Variants in SMAD3 observed in about 807,000 individuals in gnomAD.
SMAD3 encodes the protein SMAD family member 3, also known as MAD homolog 3.
Under a neutral mutation model 51.8 loss-of-function variants are expected in SMAD3, and 12 were observed. That is an observed-to-expected ratio of 0.23 (90% confidence interval 0.15 to 0.38). The LOEUF (loss-of-function observed/expected upper bound fraction) is 0.38, where lower values mean the gene tolerates loss of function less well. SMAD3 is among the 10% of genes least tolerant of loss of function. The pLI is 1.00. For missense variants in SMAD3, 294 were observed against 565.6 expected (o/e 0.52, Z 4.87); for synonymous variants, 238 against 227.7 (o/e 1.05, Z -0.41).
chr15:67,170,942 A>G (rs943773193), intron 5 of SMAD3, among the ~76,000 whole-genome samples: 1 of 152,238 alleles, frequency 6.6e-6, no homozygotes, highest in Non-Finnish European at 1.5e-5. Flanking sequence ...GTGCAAAGCC[A>G]CGGACAGCCA....
At chr15:67,110,143 T>A (rs1207865725) in intron 1 of SMAD3, among the ~76,000 whole-genome samples, 1 of 152,204 alleles carries the variant, frequency 6.6e-6, no homozygotes, top group Non-Finnish European at 1.5e-5. Flanking sequence ...TAATTCATTC[T>A]GTGCTTGAGT....
chr15:67,075,870 G>A (rs948848867), intron 1 of SMAD3, among the ~76,000 whole-genome samples: 6 of 150,374 alleles, frequency 4.0e-5, no homozygotes, highest in East Asian at 3.9e-4. Flanking sequence ...AGCCAAGATC[G>A]CACCATTGTA....
chr15:67,104,889 T>C (rs937299508), intron 1 of SMAD3, among the ~76,000 whole-genome samples: 3 of 152,264 alleles, frequency 2.0e-5, no homozygotes, highest in Non-Finnish European at 2.9e-5. Flanking sequence ...CTTTTAGTAC[T>C]GAAAGCTGCT....
At position 67,187,313 on chromosome 15, in the gene SMAD3, A is replaced by G. The variant is rs747034907; in HGVS notation, c.1010-52A>G. 4 of 1,612,658 alleles carry G rather than the reference A, an allele frequency of 2.5e-6. No individual in the cohort carries two copies. In the African/African-American group the frequency reaches 5.3e-5, roughly 22 times the overall value. On this transcript the variant is annotated intron_variant, in intron 7 of 8. Transcript: ENST00000327367. ...GACTTGCTTTATCCAGGAGGGGAGCAACGGACCTGGCCACTTCCATCCCCA... is the reference window on the plus strand; with the variant it reads ...GACTTGCTTTATCCAGGAGGGGAGCGACGGACCTGGCCACTTCCATCCCCA...
In SMAD3 at chr15:67,122,070, C is replaced by T. The variant is rs560554919; in HGVS notation, c.207-42825C>T. 1.4e-4 allele frequency among the ~76,000 whole-genome samples: 21 copies of T among 152,328 alleles called. No individual in the cohort carries two copies. The East Asian group carries it at 3.7e-3, about 27-fold the overall frequency. ...TCAGATCAGCTCATATAGAGCAGCA[C>T]GTTTTCATCACCACCAAAAATTCTA... is the stretch of plus-strand genomic sequence containing the variant. On this transcript the variant is annotated intron_variant, in intron 1 of 8. Transcript: ENST00000327367.
intron 5 of SMAD3, among the ~76,000 whole-genome samples, chr15:67,179,379 A>ATGC (rs1221054794): frequency 6.6e-6 from 1 of 152,174 alleles, no homozygotes; most frequent in Non-Finnish European, 1.5e-5. Flanking sequence ...AGGGGCCAGG[A>ATGC]TGCTGCTAAA....
chr15:67,125,760 G>C (rs1961368777), intron 1 of SMAD3: 1 of 985,730 alleles, frequency 1.0e-6, no homozygotes, highest in Non-Finnish European at 1.2e-6. Context: ...AGAGGAGCCT[G>C]CTGCTGAGTT....
At chr15:67,146,989 AC>A (rs956959843) in intron 1 of SMAD3, 1 of 151,858 alleles carries the variant, frequency 6.6e-6, no homozygotes, top group Non-Finnish European at 1.5e-5. Context: ...ATTCCCCTGC[AC>A]CCCGCCAGGC....
chr15:67,072,626 A>G (rs1482809578), intron 1 of SMAD3, among the ~76,000 whole-genome samples: 9 of 152,256 alleles, frequency 5.9e-5, no homozygotes, highest in Non-Finnish European at 1.2e-4. Context: ...AAGGCTGCTC[A>G]TGATGGCAGC....
intron 1 of SMAD3, among the ~76,000 whole-genome samples, chr15:67,080,738 C>T (rs1196691712): frequency 1.2e-4 from 18 of 152,216 alleles, no homozygotes; most frequent in Admixed American, 1.2e-3. Flanking sequence ...GTGGTCAGTG[C>T]ATGGAATGTG....
rs1481366304 is a variant in SMAD3, at chr15:67,166,768, C to T, written c.533-11C>T. The stretch of plus-strand genomic sequence containing the variant: ...GGCCTTTTAACAGACCACCTTCCTT[C>T]TGATTCCCAGAGACCCCACCCCCTG... On this transcript the variant is annotated splice_polypyrimidine_tract_variant and intron_variant, in intron 3 of 8. Coordinates refer to ENST00000327367, the MANE Select transcript of SMAD3 (RefSeq NM_005902.4). 1 of 1,579,846 alleles carries T rather than the reference C, an allele frequency of 6.3e-7. No individual in the cohort carries two copies. Among genetic ancestry groups the T allele is most frequent in the Non-Finnish European group, 8.6e-7 (1 of 1,161,354 alleles).
intron 1 of SMAD3, among the ~76,000 whole-genome samples, chr15:67,078,968 A>G (rs1960225594): frequency 6.6e-6 from 1 of 151,194 alleles, no homozygotes; most frequent in Non-Finnish European, 1.5e-5. Context: ...ATGTTTTGCA[A>G]TGTCACATAT....
intron 1 of SMAD3, among the ~76,000 whole-genome samples, chr15:67,084,070 C>CTTTTTTTTTTTTTTTTTT (rs56675753): frequency 5.9e-5 from 5 of 85,064 alleles, no homozygotes; most frequent in South Asian, 5.8e-4. Flanking sequence ...CTTTTTTTTT[C>CTTTTTTTTTTTTTTTTTT]TTTTTTTTTT....
intron 1 of SMAD3, among the ~76,000 whole-genome samples, chr15:67,123,905 C>T (rs1052573535): frequency 9.9e-5 from 15 of 152,186 alleles, no homozygotes; most frequent in South Asian, 4.1e-4. Context: ...TTCCAACTTT[C>T]GGATATGCTG....
chr15:67,083,314 A>G (rs912743293), intron 1 of SMAD3, among the ~76,000 whole-genome samples: 14 of 152,132 alleles, frequency 9.2e-5, no homozygotes, highest in Non-Finnish European at 1.3e-4. Context: ...GTGGTCTCAG[A>G]TGTTTACCAT....
In SMAD3 at chr15:67,140,849, C is replaced by T. The variant is rs76323632; in HGVS notation, c.207-24046C>T. Reference sequence around the variant, plus strand: ...GGAAATGGGGCCAGGTGTAAGGAAACGGAGCAGAACTTGGGGTTCATTCAT... The same window carrying T: ...GGAAATGGGGCCAGGTGTAAGGAAATGGAGCAGAACTTGGGGTTCATTCAT... On this transcript the variant is annotated intron_variant, in intron 1 of 8. Transcript: ENST00000327367. Among the ~76,000 whole-genome samples the T allele has an allele frequency of 0.015, 2,215 of 152,128 alleles. 122 individuals carry two copies. In the East Asian group the frequency reaches 0.16, roughly 11 times the overall value.
intron 1 of SMAD3, among the ~76,000 whole-genome samples, chr15:67,090,901 A>T (rs139340636): frequency 7.6e-4 from 116 of 152,312 alleles, no homozygotes; most frequent in African/African-American, 2.6e-3. Flanking sequence ...TCCAAGGCCA[A>T]GCCCCTCCCT....
At chr15:67,177,620 G>A (rs375368247) in intron 5 of SMAD3, among the ~76,000 whole-genome samples, 9 of 151,792 alleles carry the variant, frequency 5.9e-5, no homozygotes, top group East Asian at 1.9e-4. Context: ...ACGGGGTTTC[G>A]CCAGGTTGGC....
intron 1 of SMAD3, among the ~76,000 whole-genome samples, chr15:67,158,803 A>C (rs1170994871): frequency 6.6e-6 from 1 of 152,156 alleles, no homozygotes; most frequent in African/African-American, 2.4e-5. Context: ...GACCCTCCTG[A>C]CTGTGCACCC....
Sources: allele counts gnomAD v4.1 joint callset (sites outside exome capture counted in the v4.1 genomes callset), GRCh38; gene constraint gnomAD v4.1.1; transcripts MANE v1.5; gene names NCBI Gene and HGNC (gene_info 2026-07-23, HGNC 2026-07-21).